Variants in ABCG8 observed in about 807,000 individuals in gnomAD.
ABCG8 encodes the protein ATP binding cassette subfamily G member 8.
In ABCG8, 81 loss-of-function variants were observed where a neutral mutation model predicts 71.3. The ratio of observed to expected loss-of-function variants is 1.14; its 90% CI spans 0.95 to 1.37. The LOEUF (loss-of-function observed/expected upper bound fraction) is 1.37, where lower values mean the gene tolerates loss of function less well. ABCG8 is among the 40% of genes most tolerant of loss of function. The pLI is 0.00. For missense variants in ABCG8, 1,119 were observed against 866.2 expected (o/e 1.29, Z -3.66); for synonymous variants, 451 against 354.7 (o/e 1.27, Z -3.05).
intron 1 of ABCG8, among the ~76,000 whole-genome samples, chr2:43,839,615 C>T (rs561501753): frequency 2.6e-5 from 4 of 151,694 alleles, no homozygotes; most frequent in African/African-American, 7.3e-5. Context: ...TTAGTAGAGA[C>T]AGTGTTTCAC....
chr2:43,856,154 C>A (rs1447787484), intron 6 of ABCG8, among the ~76,000 whole-genome samples: 2 of 151,974 alleles, frequency 1.3e-5, no homozygotes, highest in African/African-American at 4.8e-5. Flanking sequence ...GGATAGAGTT[C>A]TCACTTTCTG....
chr2:43,852,331 T>G (rs181385559), intron 4 of ABCG8, 23 bp from the exon 5 acceptor site: 1 of 1,611,988 alleles, frequency 6.2e-7, no homozygotes, highest in Non-Finnish European at 8.5e-7. Context: ...TGAGGTGGCC[T>G]CAAAGCTCCT....
chr2:43,877,907 C>G lies in ABCG8; in HGVS notation c.2016C>G (p.Asp672Glu). The stretch of plus-strand genomic sequence containing the variant: ...TCATCAAACAGAAACCAAGTCAAGA[C>G]TGGTGATTCACGCCAGACGTCTGCC... ...LRFIKQKPSQDW is the reference protein window; with the variant it reads ...LRFIKQKPSQEW Residue 672 changes from aspartate to glutamate, a missense_variant, in exon 13 of 13, where the codon GAC becomes GAG. Asp to Glu is a conservative substitution (Grantham distance 45). Transcript: ENST00000272286. 1.9e-6 allele frequency: 3 copies of G among 1,614,136 alleles called. No homozygotes were observed. Among genetic ancestry groups the G allele is most frequent in the Non-Finnish European group, 2.5e-6 (3 of 1,180,016 alleles).
intron 6 of ABCG8, among the ~76,000 whole-genome samples, chr2:43,871,120 C>T (rs10210428): frequency 4.0e-5 from 6 of 151,308 alleles, no homozygotes; most frequent in Non-Finnish European, 8.9e-5. Flanking sequence ...CAAACTCTCA[C>T]TATCTGGATA....
chr2:43,861,302 C>G (rs1669308453), intron 6 of ABCG8, among the ~76,000 whole-genome samples: 1 of 151,316 alleles, frequency 6.6e-6, no homozygotes, highest in Non-Finnish European at 1.5e-5. Context: ...AGAATTCTAA[C>G]CATCTGGGTA....
At chr2:43,875,544 C>T (rs1572868731) in intron 11 of ABCG8, 131 bp downstream of exon 11, 1 of 1,172,768 alleles carries the variant, frequency 8.5e-7, no homozygotes, top group Non-Finnish European at 1.2e-6. Context: ...GAAGCAGAGG[C>T]CTTTGCCCAC....
intron 4 of ABCG8, 107 bp from the exon 5 acceptor site, chr2:43,852,247 C>T (rs1572834900): frequency 6.5e-7 from 1 of 1,529,540 alleles, no homozygotes. Context: ...TCTCCCTTCA[C>T]TTTCAAACCC....
chr2:43,873,063 G>A (rs1251908005), intron 8 of ABCG8, among the ~76,000 whole-genome samples: 1 of 152,040 alleles, frequency 6.6e-6, no homozygotes, highest in African/African-American at 2.4e-5. Context: ...CGTCTGATTG[G>A]GTCTTCCTCG....
intron 6 of ABCG8, among the ~76,000 whole-genome samples, chr2:43,854,491 G>A (rs990577434): frequency 2.6e-5 from 4 of 152,054 alleles, no homozygotes; most frequent in Non-Finnish European, 5.9e-5. Context: ...AGCTGGGTGC[G>A]TGACGCTTGC....
rs1670045618 is a variant in ABCG8, at chr2:43,878,924, T to C, written c.*1011T>C. ...GAGTTCTGATGAGATCCGACGGTTT[T>C]ATAAGGGGCTTCCCTCTTCGCTCGG... On this transcript the variant is annotated 3_prime_UTR_variant, in exon 13 of 13. Coordinates refer to ENST00000272286, the MANE Select transcript of ABCG8 (RefSeq NM_022437.3). The C allele has an allele frequency of 6.6e-6, 1 of 152,242 alleles. No homozygotes were observed. Among genetic ancestry groups the C allele is most frequent in the Non-Finnish European group, 1.5e-5 (1 of 68,060 alleles). 9.4% of individuals were successfully genotyped at this position (152,242 alleles called of 1,614,324 possible).
At chr2:43,851,362 G>T (rs1421136923) in intron 3 of ABCG8, among the ~76,000 whole-genome samples, 1 of 152,222 alleles carries the variant, frequency 6.6e-6, no homozygotes, top group Non-Finnish European at 1.5e-5. Flanking sequence ...ATGCCTTGCA[G>T]CCCCACAGGG....
At chr2:43,871,914 C>A in intron 6 of ABCG8, 62 bp from the exon 7 acceptor site, 2 of 1,608,594 alleles carry the variant, frequency 1.2e-6, no homozygotes, top group South Asian at 2.2e-5. Context: ...GCACCAAGCT[C>A]TTCACCTGTG....
At chr2:43,841,993 G>C (rs901446951) in intron 1 of ABCG8, among the ~76,000 whole-genome samples, 1 of 149,848 alleles carries the variant, frequency 6.7e-6, no homozygotes, top group Non-Finnish European at 1.5e-5. Flanking sequence ...GCCCACATGA[G>C]TCTCTTAGAA....
intron 6 of ABCG8, among the ~76,000 whole-genome samples, chr2:43,853,763 C>A (rs542602963): frequency 3.9e-5 from 6 of 152,220 alleles, no homozygotes; most frequent in Admixed American, 6.5e-5. Flanking sequence ...GAGCTAAACA[C>A]CTGTTCCAGC....
intron 6 of ABCG8, among the ~76,000 whole-genome samples, chr2:43,864,550 G>T (rs1056161574): frequency 6.6e-6 from 1 of 151,444 alleles, no homozygotes; most frequent in Non-Finnish European, 1.5e-5. Context: ...CTCTCCATCT[G>T]TATAGAACTC....
At chr2:43,867,457 G>A (rs552929323) in intron 6 of ABCG8, among the ~76,000 whole-genome samples, 1 of 151,608 alleles carries the variant, frequency 6.6e-6, no homozygotes, top group East Asian at 1.9e-4. Context: ...CTCACCATCT[G>A]GATAGAACTC....
chr2:43,852,663 G>C lies in ABCG8; in HGVS notation c.759G>C (p.Lys253Asn). 1 of 1,614,184 alleles carries C rather than the reference G, an allele frequency of 6.2e-7. No homozygotes were observed. The highest frequency in any genetic ancestry group is 8.5e-7 in the Non-Finnish European group (1 of 1,180,036). Residue 253 changes from lysine (K) to asparagine (N), a missense_variant, in exon 6 of 13, where the codon AAG (lysine) becomes AAC (asparagine). Coordinates refer to ENST00000272286, the MANE Select transcript of ABCG8 (RefSeq NM_022437.3). Reference protein sequence around the residue: ...LDSFTAHNLVKTLSRLAKGNR... With the variant: ...LDSFTAHNLVNTLSRLAKGNR... Reference sequence around the variant, plus strand: ...GCTTCACAGCCCACAACCTGGTGAAGACCTTGTCCAGGCTGGCCAAAGGCA... The same window carrying C: ...GCTTCACAGCCCACAACCTGGTGAACACCTTGTCCAGGCTGGCCAAAGGCA...
At chr2:43,872,435 A>T (rs1572863775) in intron 8 of ABCG8, 129 bp downstream of exon 8, 1 of 1,091,332 alleles carries the variant, frequency 9.2e-7, no homozygotes, top group East Asian at 2.6e-5. Context: ...AAAAAACAGC[A>T]TCCAGCAGGG....
At chr2:43,858,780 C>T (rs775244585) in intron 6 of ABCG8, among the ~76,000 whole-genome samples, 26 of 151,320 alleles carry the variant, frequency 1.7e-4, no homozygotes, top group Middle Eastern at 3.5e-3. Context: ...AGAACTCTGA[C>T]TATCTATTTC....
Sources: allele counts gnomAD v4.1 joint callset (sites outside exome capture counted in the v4.1 genomes callset), GRCh38; gene constraint gnomAD v4.1.1; transcripts MANE v1.5; gene names NCBI Gene and HGNC (gene_info 2026-07-23, HGNC 2026-07-21).